The following B3GALNT1 variants were observed in gnomAD, a reference collection of about 807,000 sequenced individuals.
B3GALNT1 encodes UDP-GalNAc:beta-1,3-N-acetylgalactosaminyltransferase 1.
A neutral mutation model predicts 27.3 loss-of-function variants in B3GALNT1; 17 were observed. The observed-to-expected ratio is 0.62, with a 90% confidence interval of 0.43 to 0.94. B3GALNT1 has a LOEUF of 0.94. Ranked by LOEUF, B3GALNT1 falls within the 40% of genes least tolerant of loss-of-function variation. B3GALNT1 has a pLI of 0.00. For synonymous variants in B3GALNT1, 141 were observed against 144.0 expected (o/e 0.98, Z 0.15); for missense variants, 347 against 390.0 (o/e 0.89, Z 0.93).
chr3:161,097,770 CA>C (rs568084477), intron 4 of B3GALNT1, among the ~76,000 whole-genome samples: 32 of 152,274 alleles, frequency 2.1e-4, no homozygotes, highest in African/African-American at 7.5e-4. Context: ...AGGAGAGCTG[CA>C]AAATACAAGA....
chr3:161,103,605 GTTTTTGGAGCCATTTATTACA>G, intron 2 of B3GALNT1, 88 bp from the exon 3 acceptor site: 1 of 398,512 alleles, frequency 2.5e-6, no homozygotes, highest in Non-Finnish European at 4.0e-6. Context: ...TTAGCAAGTT[GTTTTTGGAGCCATTTATTACA>G]TATCAACACT....
rs1168424040 is a variant in B3GALNT1 at position 161,104,365 on chromosome 3, T to C, written c.-267A>G. ...CATGGTTTGGCAATTTCTTCCTTGA[T>C]AGCTTTTCCCACAACGCAGCCACCT... is the stretch of plus-strand genomic sequence containing the variant. On this transcript the variant is annotated 5_prime_UTR_variant, in exon 2 of 5. Coordinates refer to ENST00000320474, the MANE Select transcript of B3GALNT1 (RefSeq NM_003781.4). The C allele has an allele frequency of 3.1e-6, 4 of 1,289,596 alleles. No individual in the cohort carries two copies. The highest frequency in any genetic ancestry group is 4.0e-6 in the Non-Finnish European group (4 of 988,810). 79.9% of individuals were successfully genotyped at this position (1,289,596 alleles called of 1,614,324 possible).
chr3:161,100,964 C>T (rs1484494372), intron 4 of B3GALNT1, among the ~76,000 whole-genome samples, 175 bp downstream of exon 4: 1 of 152,106 alleles, frequency 6.6e-6, no homozygotes, highest in East Asian at 1.9e-4. Context: ...TTCCAGGGAA[C>T]AGTGCAGCCC....
chr3:161,096,772 C>T (rs1728402547), intron 4 of B3GALNT1, among the ~76,000 whole-genome samples: 1 of 152,218 alleles, frequency 6.6e-6, no homozygotes, highest in Admixed American at 6.5e-5. Context: ...TGCCATCTGA[C>T]CACTACTTTT....
rs564469671 is a variant in B3GALNT1, at chr3:161,085,970, G to C, written c.785C>G (p.Pro262Arg). 2 of 1,593,492 alleles carry C rather than the reference G, an allele frequency of 1.3e-6. No individual in the cohort carries two copies. The highest frequency in any genetic ancestry group is 2.3e-5 in the South Asian group (2 of 87,268). ...RIYEMMGHVK[P>R]IKFEDVYVGI... Reference sequence around the variant, plus strand: ...GACATAAACATCTTCAAACTTGATGGGTTTTACGTGACCCATCATTTCATA... The same window carrying C: ...GACATAAACATCTTCAAACTTGATGCGTTTTACGTGACCCATCATTTCATA... Residue 262 changes from proline (P) to arginine (R), a missense_variant, in exon 5 of 5, where the codon CCC becomes CGC. Transcript: ENST00000320474.
At chr3:161,101,509 T>C (rs911798184) in intron 3 of B3GALNT1, among the ~76,000 whole-genome samples, 1 of 152,080 alleles carries the variant, frequency 6.6e-6, no homozygotes, top group African/African-American at 2.4e-5. Context: ...GTGTTAGAGG[T>C]TGGGGCAGCA....
chr3:161,086,862 C>T (rs1722332706), intron 4 of B3GALNT1, 74 bp from the exon 5 acceptor site: 1 of 1,447,960 alleles, frequency 6.9e-7, no homozygotes, highest in African/African-American at 1.4e-5. Flanking sequence ...TGACTATCTA[C>T]TCAAGGAGAA....
chr3:161,086,843 A>G, intron 4 of B3GALNT1, 55 bp from the exon 5 acceptor site: 1 of 1,523,626 alleles, frequency 6.6e-7, no homozygotes, highest in Non-Finnish European at 8.9e-7. Flanking sequence ...CACATTTTCA[A>G]AAGACATCTG....
intron 4 of B3GALNT1, among the ~76,000 whole-genome samples, chr3:161,098,534 G>A (rs959909903): frequency 1.3e-5 from 2 of 152,168 alleles, no homozygotes; most frequent in Non-Finnish European, 2.9e-5. Flanking sequence ...GCAACATGGT[G>A]AAACCTCATC....
intron 3 of B3GALNT1, among the ~76,000 whole-genome samples, chr3:161,101,497 C>T (rs1219460201): frequency 6.6e-6 from 1 of 152,026 alleles, no homozygotes. Context: ...TGTTCTGGAC[C>T]TGTGTTAGAG....
intron 1 of B3GALNT1, chr3:161,104,975 C>T (rs1172448192): frequency 6.6e-6 from 1 of 152,296 alleles, no homozygotes; most frequent in Non-Finnish European, 1.5e-5. Flanking sequence ...CGCCCACTGC[C>T]CCACTGGGCC....
intron 4 of B3GALNT1, chr3:161,089,843 C>T (rs35904210): frequency 0.027 from 4,170 of 152,100 alleles, 205 homozygotes; most frequent in African/African-American, 0.095. Flanking sequence ...CCAAGGCAGG[C>T]GGATCACCTG....
chr3:161,089,411 T>C (rs1282759382), intron 4 of B3GALNT1, among the ~76,000 whole-genome samples: 2 of 152,044 alleles, frequency 1.3e-5, no homozygotes, highest in Non-Finnish European at 1.5e-5. Flanking sequence ...AAATACTAGG[T>C]AAAAATGACA....
rs748011753 is a variant in B3GALNT1 at position 161,086,548 on chromosome 3, C to T, written c.207G>A (p.Glu69=). 4.3e-6 allele frequency: 7 copies of T among 1,614,064 alleles called. No homozygotes were observed. The Admixed American group carries it at 8.3e-5, about 19-fold the overall frequency. The part of the protein sequence containing the change: ...YRQDFHFTLR[E]HSNCSHQNPF... ...GATTTTGATGAGAGCAGTTTGAATG[C>T]TCTCGAAGTGTGAAGTGAAAGTCTT... The change falls in exon 5 of 5, where the codon GAG becomes GAA. Residue 69 remains glutamate (E), a synonymous_variant. Transcript: ENST00000320474.
At chr3:161,090,832 T>C (rs1724689069) in intron 4 of B3GALNT1, among the ~76,000 whole-genome samples, 2 of 152,226 alleles carry the variant, frequency 1.3e-5, no homozygotes, top group Admixed American at 1.3e-4. Context: ...GTAGCTACTA[T>C]ACCAATCTCT....
chr3:161,093,511 G>A (rs1726459764), intron 4 of B3GALNT1, among the ~76,000 whole-genome samples: 1 of 152,102 alleles, frequency 6.6e-6, no homozygotes, highest in Non-Finnish European at 1.5e-5. Flanking sequence ...TGGGCTACAA[G>A]GACCCCGACA....
chr3:161,104,832 G>C (rs918371385), intron 1 of B3GALNT1: 1 of 153,358 alleles, frequency 6.5e-6, no homozygotes, highest in Admixed American at 6.5e-5. Context: ...CAAACGCCCC[G>C]GGTCGCTACC....
In B3GALNT1 at chr3:161,086,782, G is replaced by C. The variant is rs760506366; in HGVS notation, c.-28C>G. 2 of 1,611,910 alleles carry C rather than the reference G, an allele frequency of 1.2e-6. No homozygotes were observed. Among genetic ancestry groups the C allele is most frequent in the Non-Finnish European group, 1.7e-6 (2 of 1,178,980 alleles). ...ACAGCAGCTCAGAAGCACGCGAGCC[G>C]AAGGTTCTGGAAGAGTTATCAAAGA... On this transcript the variant is annotated 5_prime_UTR_variant, in exon 5 of 5. Transcript: ENST00000320474.
intron 4 of B3GALNT1, among the ~76,000 whole-genome samples, chr3:161,096,344 AG>A (rs1176960260): frequency 1.3e-5 from 2 of 152,350 alleles, no homozygotes; most frequent in East Asian, 3.9e-4. Context: ...AACAAATTTC[AG>A]TTAAATTTTA....
Sources: gnomAD v4.1 joint callset for allele counts (sites outside exome capture counted in the v4.1 genomes callset) on GRCh38, gnomAD v4.1.1 for gene constraint, MANE v1.5 for transcripts, NCBI Gene and HGNC (gene_info 2026-07-23, HGNC 2026-07-21) for gene names.